The following BMP3 variants were observed in gnomAD, a reference collection of about 807,000 sequenced individuals.
BMP3 encodes bone morphogenetic protein 3.
BMP3 carries 23 observed loss-of-function variants against 38.1 expected under a neutral mutation model. The observed-to-expected ratio is 0.60, with a 90% CI of 0.43 to 0.86. BMP3 has a LOEUF of 0.86. Ranked by LOEUF, BMP3 falls within the 40% of genes least tolerant of loss-of-function variation. The pLI is 0.00. For synonymous variants in BMP3, 258 were observed against 225.7 expected, an observed-to-expected ratio of 1.14 and a Z score of -1.28; for missense variants, 628 against 579.6, an observed-to-expected ratio of 1.08 and a Z score of -0.86.
chr4:81,056,998 A>C lies in BMP3; in HGVS notation c.*3462A>C, dbSNP rs1740591132. ...AAAGTTGGGTTAGGCATAGCTATGC[A>C]CACCTGATGTGTAAGATTAAAGAAG... On this transcript the variant is annotated 3_prime_UTR_variant, in exon 3 of 3. Coordinates refer to ENST00000282701, the MANE Select transcript of BMP3 (RefSeq NM_001201.5). 1.3e-5 allele frequency: 2 copies of C among 152,602 alleles called. No homozygotes were observed. Among genetic ancestry groups the C allele is most frequent in the South Asian group, 4.1e-4 (2 of 4,830 alleles). The allele number at this position is 152,602 out of a possible 1,614,324, so 9.5% of individuals were successfully genotyped here.
chr4:81,046,608 C>A lies in BMP3; in HGVS notation c.1187C>A (p.Ala396Asp). Residue 396 changes from alanine to aspartate, a missense_variant, in exon 2 of 3, where the codon GCC becomes GAC. Physicochemically the swap from Ala to Asp is moderately radical, Grantham distance 126. Transcript: ENST00000282701. ...ATTATCTCCCCCAAGTCCTTTGATG[C>A]CTATTATTGCTCTGGAGCATGCCAG... is the stretch of plus-strand genomic sequence containing the variant. Reference protein sequence around the residue: ...EWIISPKSFDAYYCSGACQFP... With the variant: ...EWIISPKSFDDYYCSGACQFP... 1 of 1,613,768 alleles carries A rather than the reference C, an allele frequency of 6.2e-7. No homozygotes were observed. Among genetic ancestry groups the A allele is most frequent in the East Asian group, 2.2e-5 (1 of 44,858 alleles).
chr4:81,053,601 G>GGTT lies in BMP3; in HGVS notation c.*65_*66insGTT. 1 of 357,144 alleles carries GGTT rather than the reference G, an allele frequency of 2.8e-6. No homozygotes were observed. Among genetic ancestry groups the GGTT allele is most frequent in the East Asian group, 5.8e-5 (1 of 17,356 alleles). The allele number at this position is 357,144 out of a possible 1,614,324, so 22.1% of individuals were successfully genotyped here. A position where few individuals can be genotyped will look rare whatever the true frequency, so the allele number is the denominator to read the frequency against. ...AGTTTATTTTTATGGACTTCTTCCT[G>GGTT]TTTTTTTTTTTTTTTTTTTTGCACT... is the stretch of plus-strand genomic sequence containing the variant. On this transcript the variant is annotated 3_prime_UTR_variant, in exon 3 of 3. Transcript: ENST00000282701.
At chr4:81,037,742 A>G (rs1337249309) in intron 1 of BMP3, among the ~76,000 whole-genome samples, 2 of 152,126 alleles carry the variant, frequency 1.3e-5, no homozygotes, top group East Asian at 1.9e-4. Flanking sequence ...TGTGCAATCT[A>G]TGATATCCCA....
At chr4:81,043,023 T>C (rs532462648) in intron 1 of BMP3, among the ~76,000 whole-genome samples, 36 of 152,346 alleles carry the variant, frequency 2.4e-4, no homozygotes, top group African/African-American at 8.7e-4. Flanking sequence ...GTGTTAAAAA[T>C]GAATAGAATA....
intron 1 of BMP3, among the ~76,000 whole-genome samples, chr4:81,033,805 C>T (rs1382781797): frequency 6.6e-6 from 1 of 152,208 alleles, no homozygotes; most frequent in Non-Finnish European, 1.5e-5. Context: ...CACCTTGTGA[C>T]ATATGTTCCC....
In BMP3 at chr4:81,053,601, GTTTTTTTTTT is replaced by G. The variant is rs60606505; in HGVS notation, c.*76_*85del. On this transcript the variant is annotated 3_prime_UTR_variant, in exon 3 of 3. Coordinates refer to ENST00000282701, the MANE Select transcript of BMP3 (RefSeq NM_001201.5). ...AGTTTATTTTTATGGACTTCTTCCT[GTTTTTTTTTT>G]TTTTTTTTTTGCACTGCCAATGCAT... is the stretch of plus-strand genomic sequence containing the variant. The G allele has an allele frequency of 1.2e-3, 441 of 358,058 alleles. 4 individuals are homozygous for G. Among genetic ancestry groups the G allele is most frequent in the Non-Finnish European group, 1.7e-3 (405 of 241,524 alleles). The allele number at this position is 358,058 out of a possible 1,614,324, so 22.2% of individuals were successfully genotyped here. A position where few individuals can be genotyped will look rare whatever the true frequency, so the allele number is the denominator to read the frequency against.
Position 81,046,340 on chromosome 4 carries a change from T to C in BMP3, c.919T>C (p.Tyr307His), listed in dbSNP as rs763092557. ...GAACAACGAGCTTCCTGGGGCAGAA[T>C]ACCAGTATAAAAAGGATGAGGTGTG... ...LQNNELPGAE[Y>H]QYKKDEVWEE... Residue 307 changes from tyrosine (Y) to histidine (H), a missense_variant, in exon 2 of 3, where the codon TAC becomes CAC. Coordinates refer to ENST00000282701, the MANE Select transcript of BMP3 (RefSeq NM_001201.5). The C allele has an allele frequency of 3.1e-6, 5 of 1,614,018 alleles. No individual in the cohort carries two copies. Among genetic ancestry groups the C allele is most frequent in the Non-Finnish European group, 4.2e-6 (5 of 1,179,998 alleles).
At position 81,055,483 on chromosome 4, in the gene BMP3, G is replaced by A. The variant is rs1278995830; in HGVS notation, c.*1947G>A. On this transcript the variant is annotated 3_prime_UTR_variant, in exon 3 of 3. Coordinates refer to ENST00000282701, the MANE Select transcript of BMP3 (RefSeq NM_001201.5). The stretch of plus-strand genomic sequence containing the variant: ...AATTAAAGATTCAAAGTGAGATGGA[G>A]GATAAAATTACTTTTTAATACATGT... 1 of 152,042 alleles carries A rather than the reference G, an allele frequency of 6.6e-6. No homozygotes were observed. The highest frequency in any genetic ancestry group is 1.5e-5 in the Non-Finnish European group (1 of 67,984). 9.4% of individuals were successfully genotyped at this position (152,042 alleles called of 1,614,324 possible).
At position 81,046,008 on chromosome 4, in the gene BMP3, C is replaced by T. The variant is rs1740226841; in HGVS notation, c.587C>T (p.Ser196Phe). The T allele has an allele frequency of 6.2e-7, 1 of 1,614,116 alleles. No homozygotes were observed. Among genetic ancestry groups the T allele is most frequent in the Non-Finnish European group, 8.5e-7 (1 of 1,180,008 alleles). The change falls in exon 2 of 3, where the codon TCC (serine) becomes TTC (phenylalanine). Residue 196 changes from serine to phenylalanine, a missense_variant. Ser to Phe is a radical substitution (Grantham distance 155). Transcript: ENST00000282701. Reference protein sequence around the residue: ...DMAKSHRDIMSWLSKDITQLL... With the variant: ...DMAKSHRDIMFWLSKDITQLL... ...GCCAAATCTCATCGAGATATTATGTCCTGGCTGTCTAAAGATATCACTCAA... is the reference window on the plus strand; with the variant it reads ...GCCAAATCTCATCGAGATATTATGTTCTGGCTGTCTAAAGATATCACTCAA...
chr4:81,054,777 A>T lies in BMP3; in HGVS notation c.*1241A>T, dbSNP rs1485956770. 1 of 152,148 alleles carries T rather than the reference A, an allele frequency of 6.6e-6. No homozygotes were observed. The highest frequency in any genetic ancestry group is 1.5e-5 in the Non-Finnish European group (1 of 68,018). The allele number at this position is 152,148 out of a possible 1,614,324, so 9.4% of individuals were successfully genotyped here. A position where few individuals can be genotyped will look rare whatever the true frequency, so the allele number is the denominator to read the frequency against. On this transcript the variant is annotated 3_prime_UTR_variant, in exon 3 of 3. Coordinates refer to ENST00000282701, the MANE Select transcript of BMP3 (RefSeq NM_001201.5). ...CATATATGTGTCCTCTTATAACTTT[A>T]GTCTTCAAAATTATTTCAATATCCT...
At position 81,057,315 on chromosome 4, in the gene BMP3, A is replaced by G. The variant is rs1740601491; in HGVS notation, c.*3779A>G. 1 of 152,028 alleles carries G rather than the reference A, an allele frequency of 6.6e-6. No homozygotes were observed. Among genetic ancestry groups the G allele is most frequent in the African/African-American group, 2.4e-5 (1 of 41,432 alleles). 9.4% of individuals were successfully genotyped at this position (152,028 alleles called of 1,614,324 possible). On this transcript the variant is annotated 3_prime_UTR_variant, in exon 3 of 3. Coordinates refer to ENST00000282701, the MANE Select transcript of BMP3 (RefSeq NM_001201.5). ...ATAATAATTTTCATCCTTAATTATG[A>G]TAATACTTTTAGCAAGAAAAATTCC...
At chr4:81,049,847 G>A (rs1170891047) in intron 2 of BMP3, among the ~76,000 whole-genome samples, 1 of 152,194 alleles carries the variant, frequency 6.6e-6, no homozygotes. Context: ...TACAAAACAT[G>A]TGGAATAACT....
chr4:81,039,198 T>C (rs1310034687), intron 1 of BMP3, among the ~76,000 whole-genome samples: 1 of 152,202 alleles, frequency 6.6e-6, no homozygotes, highest in African/African-American at 2.4e-5. Flanking sequence ...TGTGTCCCTG[T>C]CCTAGGCACC....
At chr4:81,049,727 T>C (rs145367138) in intron 2 of BMP3, among the ~76,000 whole-genome samples, 132 of 152,304 alleles carry the variant, frequency 8.7e-4, no homozygotes, top group African/African-American at 2.9e-3. Context: ...GGGTAATTAA[T>C]AAACATCCCT....
chr4:81,047,119 C>T lies in BMP3; in HGVS notation c.1227+471C>T, dbSNP rs191974488. Among the ~76,000 whole-genome samples the T allele has an allele frequency of 3.6e-3, 549 of 152,266 alleles. 3 individuals are homozygous for T. The highest frequency in any genetic ancestry group is 4.1e-3 in the Non-Finnish European group (281 of 68,022). ...GTTTTAATAAATACCCTCTTGTGAG[C>T]TAAGTTGTCCCCACAGAGGTCAGGA... On this transcript the variant is annotated intron_variant, in intron 2 of 2. Coordinates refer to ENST00000282701, the MANE Select transcript of BMP3 (RefSeq NM_001201.5).
intron 1 of BMP3, among the ~76,000 whole-genome samples, chr4:81,043,825 A>C (rs1045352873): frequency 6.6e-6 from 1 of 151,972 alleles, no homozygotes; most frequent in African/African-American, 2.4e-5. Context: ...CTGACCTCAA[A>C]TGATCCACCT....
rs971083441 is a variant in BMP3, at chr4:81,057,538, A to G, written c.*4002A>G. Reference sequence around the variant, plus strand: ...ATAAAAATTGCTTCATTGACCATTCATTTTTACTTATTGGGAAATACTATA... The same window carrying G: ...ATAAAAATTGCTTCATTGACCATTCGTTTTTACTTATTGGGAAATACTATA... On this transcript the variant is annotated 3_prime_UTR_variant, in exon 3 of 3. Coordinates refer to ENST00000282701, the MANE Select transcript of BMP3 (RefSeq NM_001201.5). The G allele has an allele frequency of 2.0e-5, 3 of 152,058 alleles. No individual in the cohort carries two copies. Among genetic ancestry groups the G allele is most frequent in the African/African-American group, 7.2e-5 (3 of 41,448 alleles). 9.4% of individuals were successfully genotyped at this position (152,058 alleles called of 1,614,324 possible).
chr4:81,045,972 CA>C lies in BMP3; in HGVS notation c.552del (p.Val185TrpfsTer22), dbSNP rs1740224545. 1 of 1,613,918 alleles carries C rather than the reference CA, an allele frequency of 6.2e-7. No homozygotes were observed. The highest frequency in any genetic ancestry group is 8.5e-7 in the Non-Finnish European group (1 of 1,179,992). On this transcript the variant is annotated frameshift_variant, in exon 2 of 3. Coordinates refer to ENST00000282701, the MANE Select transcript of BMP3 (RefSeq NM_001201.5). LOFTEE classifies it high-confidence loss of function. ...CAAAGTCAACTCCTTGGCCATCTGT[CA>C]GTGGATATGGCCAAATCTCATCGAG... ...RNQSQLLGHL[S>X]VDMAKSHRDI...
chr4:81,053,390 G>C lies in BMP3; in HGVS notation c.1273G>C (p.Ala425Pro), dbSNP rs1262113298. The change falls in exon 3 of 3, where the codon GCT becomes CCT. Residue 425 changes from alanine (A) to proline (P), a missense_variant. By Grantham distance (27) the Ala-to-Pro change is conservative. Coordinates refer to ENST00000282701, the MANE Select transcript of BMP3 (RefSeq NM_001201.5). The stretch of plus-strand genomic sequence containing the variant: ...TGCTACCATCCAGAGTATAGTGAGA[G>C]CTGTGGGGGTCGTTCCTGGGATTCC... ...NHATIQSIVR[A>P]VGVVPGIPEP... 1 of 1,610,006 alleles carries C rather than the reference G, an allele frequency of 6.2e-7. No individual in the cohort carries two copies. The highest frequency in any genetic ancestry group is 8.5e-7 in the Non-Finnish European group (1 of 1,178,414).
Sources: gnomAD v4.1 joint callset for allele counts (sites outside exome capture counted in the v4.1 genomes callset) on GRCh38, gnomAD v4.1.1 for gene constraint, MANE v1.5 for transcripts, NCBI Gene and HGNC (gene_info 2026-07-23, HGNC 2026-07-21) for gene names.